SHMT1: variants seen among roughly 807,000 people sequenced by gnomAD.
The protein encoded by SHMT1 is serine hydroxymethyltransferase 1.
SHMT1 carries 45 observed loss-of-function variants against 49.0 expected under a neutral mutation model. The observed-to-expected ratio is 0.92, with a 90% confidence interval of 0.72 to 1.18. SHMT1 has a LOEUF of 1.18. Ranked by LOEUF, SHMT1 falls within the 50% of genes most tolerant of loss-of-function variation. SHMT1 has a pLI of 0.00. For missense variants in SHMT1, 541 were observed against 612.4 expected, an observed-to-expected ratio of 0.88 and a Z score of 1.23; for synonymous variants, 232 against 246.6, an observed-to-expected ratio of 0.94 and a Z score of 0.55.
chr17:18,341,005 C>G, intron 5 of SHMT1, 192 bp from the exon 6 acceptor site: 1 of 628,186 alleles, frequency 1.6e-6, no homozygotes, highest in East Asian at 2.8e-5. Context: ...ACCCAGGAGT[C>G]CCTGAGGAGT....
At chr17:18,357,968 A>G (rs1288008250) in intron 1 of SHMT1, among the ~76,000 whole-genome samples, 5 of 146,580 alleles carry the variant, frequency 3.4e-5, no homozygotes, top group Admixed American at 1.4e-4. Context: ...GGTTCATGCC[A>G]TTCTCCTGCC....
chr17:18,343,384 AG>A (rs1943378024), intron 5 of SHMT1, among the ~76,000 whole-genome samples: 1 of 151,812 alleles, frequency 6.6e-6, no homozygotes, highest in Non-Finnish European at 1.5e-5. Context: ...CGAGGGGGTC[AG>A]ATCACCTGAG....
intron 3 of SHMT1, 26 bp downstream of exon 3, chr17:18,353,646 C>T: frequency 6.2e-7 from 1 of 1,613,132 alleles, no homozygotes; most frequent in East Asian, 2.2e-5. Context: ...TGTGTCAGAA[C>T]CAGGCCTTTG....
chr17:18,329,758 C>T (rs1288653652), intron 10 of SHMT1, among the ~76,000 whole-genome samples: 2 of 152,198 alleles, frequency 1.3e-5, no homozygotes, highest in Non-Finnish European at 2.9e-5. Flanking sequence ...CCACCTCCAA[C>T]AGCTCTACAT....
rs956431039 is a variant in SHMT1 at position 18,340,429 on chromosome 17, C to T, written c.602-174G>A. 10 of 739,292 alleles carry T rather than the reference C, an allele frequency of 1.4e-5. No individual in the cohort carries two copies. In the African/African-American group the frequency reaches 1.7e-4, roughly 13 times the overall value. 45.8% of individuals were successfully genotyped at this position (739,292 alleles called of 1,614,324 possible). A position where few individuals can be genotyped will look rare whatever the true frequency, so the allele number is the denominator to read the frequency against. ...AGCACCTCTGTGCTAAAGGCAACCACTCTAACTCTTCAACGTCTTGGTGGT... is the reference window on the plus strand; with the variant it reads ...AGCACCTCTGTGCTAAAGGCAACCATTCTAACTCTTCAACGTCTTGGTGGT... On this transcript the variant is annotated intron_variant, in intron 6 of 11. Transcript: ENST00000316694. This position sits in a 1 kb window ranked among gnomAD's most constrained non-coding sequence, Gnocchi z 4.5.
chr17:18,344,034 G>A (rs1477210591), intron 5 of SHMT1, among the ~76,000 whole-genome samples: 1 of 151,978 alleles, frequency 6.6e-6, no homozygotes, highest in Non-Finnish European at 1.5e-5. Flanking sequence ...AAGAGGAGAT[G>A]TGCAGAGAGG....
At position 18,348,362 on chromosome 17, in the gene SHMT1, G is replaced by A. The variant is rs1481173123; in HGVS notation, c.321C>T (p.Asp107=). 2 of 1,613,840 alleles carry A rather than the reference G, an allele frequency of 1.2e-6. No individual in the cohort carries two copies. Among genetic ancestry groups the A allele is most frequent in the Non-Finnish European group, 1.7e-6 (2 of 1,179,760 alleles). The change falls in exon 4 of 12, where the codon GAC becomes GAT. Residue 107 remains aspartate, a synonymous_variant. Transcript: ENST00000316694. ...QKRALQAYKL[D]PQCWGVNVQP... is the part of the protein sequence containing the mutation. ...GGACGTTGACCCCCCAGCACTGTGG[G>A]TCCAGCTTATAGGCCTGCAGGGCTC...
At chr17:18,330,526 G>A in intron 10 of SHMT1, 29 bp downstream of exon 10, 1 of 1,447,720 alleles carries the variant, frequency 6.9e-7, no homozygotes, top group East Asian at 2.3e-5. Context: ...TGGGAGAGGA[G>A]TGAAGGAGAA....
At position 18,356,009 on chromosome 17, in the gene SHMT1, A is replaced by G; in HGVS notation, c.-19-9T>C. On this transcript the variant is annotated splice_polypyrimidine_tract_variant and intron_variant, in intron 1 of 11. Coordinates refer to ENST00000316694, the MANE Select transcript of SHMT1 (RefSeq NM_004169.5). ...CACTGGTTCGAAGCTGCCTAAAAAA[A>G]TGGGAAAAACATGTGTAGCTTCCAG... The G allele has an allele frequency of 7.1e-7, 1 of 1,418,324 alleles. No homozygotes were observed. The highest frequency in any genetic ancestry group is 1.0e-6 in the Non-Finnish European group (1 of 1,003,994). The allele number at this position is 1,418,324 out of a possible 1,614,324, so 87.9% of individuals were successfully genotyped here.
chr17:18,343,964 A>G (rs1984808533), intron 5 of SHMT1, among the ~76,000 whole-genome samples: 1 of 150,828 alleles, frequency 6.6e-6, no homozygotes, highest in African/African-American at 2.4e-5. Flanking sequence ...ACACATAACC[A>G]GCAGAGCATA....
In SHMT1 at chr17:18,335,080, G is replaced by A. The variant is rs553280282; in HGVS notation, c.931+479C>T. 6.6e-5 allele frequency among the ~76,000 whole-genome samples: 10 copies of A among 152,356 alleles called. No individual in the cohort carries two copies. The East Asian group carries it at 1.9e-3, about 29-fold the overall frequency. On this transcript the variant is annotated intron_variant, in intron 8 of 11. Coordinates refer to ENST00000316694, the MANE Select transcript of SHMT1 (RefSeq NM_004169.5). Reference sequence around the variant, plus strand: ...ATGTCCTAAGCTACTTGTACAAAGAGACAAAGAGCAAGTCAATGAGAACCT... The same window carrying A: ...ATGTCCTAAGCTACTTGTACAAAGAAACAAAGAGCAAGTCAATGAGAACCT...
intron 1 of SHMT1, among the ~76,000 whole-genome samples, chr17:18,357,174 G>A (rs7211382): frequency 0.3 from 44,504 of 150,324 alleles, 6,961 homozygotes; most frequent in African/African-American, 0.36. Flanking sequence ...CCAGCTACTT[G>A]GGAGGCTGAG....
chr17:18,354,663 C>T (rs1445985554), intron 2 of SHMT1, among the ~76,000 whole-genome samples: 1 of 152,022 alleles, frequency 6.6e-6, no homozygotes, highest in African/African-American at 2.4e-5. Flanking sequence ...TTTTTAACAC[C>T]ACCATCCTGT....
At position 18,354,943 on chromosome 17, in the gene SHMT1, C is replaced by T. The variant is rs532716675; in HGVS notation, c.96+943G>A. ...GCTGGCACCTGTAGTCCCAGCTACTCGGGAGGCTAAGGCAGGAGAATGGCG... is the reference window on the plus strand; with the variant it reads ...GCTGGCACCTGTAGTCCCAGCTACTTGGGAGGCTAAGGCAGGAGAATGGCG... On this transcript the variant is annotated intron_variant, in intron 2 of 11. Transcript: ENST00000316694. 6.1e-5 allele frequency among the ~76,000 whole-genome samples: 9 copies of T among 146,604 alleles called. No homozygotes were observed. In the East Asian group the frequency reaches 8.2e-4, roughly 13 times the overall value.
chr17:18,347,467 T>A, intron 5 of SHMT1, 29 bp downstream of exon 5: 1 of 1,612,582 alleles, frequency 6.2e-7, no homozygotes, highest in Non-Finnish European at 8.5e-7. Flanking sequence ...CCCAAGGAAA[T>A]AAAAGCTAGG....
At chr17:18,344,575 C>A (rs1247610170) in intron 5 of SHMT1, among the ~76,000 whole-genome samples, 5 of 39,058 alleles carry the variant, frequency 1.3e-4, no homozygotes, top group Admixed American at 6.6e-4. Context: ...CCACAATTAC[C>A]GGAAAAAAAA....
rs1381592215 is a variant in SHMT1, at chr17:18,328,393, A to G, written c.*357T>C. The stretch of plus-strand genomic sequence containing the variant: ...TCTCTGTTGCAGCAAGGCGGAGGAA[A>G]GCCCAGGGAGAGTAAAACGCTACAA... On this transcript the variant is annotated 3_prime_UTR_variant, in exon 12 of 12. Coordinates refer to ENST00000316694, the MANE Select transcript of SHMT1 (RefSeq NM_004169.5). 4 of 308,312 alleles carry G rather than the reference A, an allele frequency of 1.3e-5. No individual in the cohort carries two copies. The highest frequency in any genetic ancestry group is 3.1e-5 in the South Asian group (1 of 32,618). 19.1% of individuals were successfully genotyped at this position (308,312 alleles called of 1,614,324 possible).
At chr17:18,335,467 C>T in intron 8 of SHMT1, 92 bp downstream of exon 8, 2 of 861,958 alleles carry the variant, frequency 2.3e-6, no homozygotes, top group South Asian at 2.9e-5. Context: ...CCAGCTTTTT[C>T]CCCAGCGTGG....
chr17:18,352,150 CTT>C (rs60700438), intron 3 of SHMT1, among the ~76,000 whole-genome samples: 6 of 132,768 alleles, frequency 4.5e-5, no homozygotes, highest in Admixed American at 8.1e-5. Flanking sequence ...CAGTCCCCTT[CTT>C]TTTTTTTTTT....
Sources: gnomAD v4.1 joint callset for allele counts (sites outside exome capture counted in the v4.1 genomes callset) on GRCh38, gnomAD v4.1.1 for gene constraint, Gnocchi (gnomAD v3.1) non-coding constraint, MANE v1.5 for transcripts, NCBI Gene and HGNC (gene_info 2026-07-23, HGNC 2026-07-21) for gene names.